Variants in ALPK3 observed in about 807,000 individuals in gnomAD.
ALPK3 encodes alpha kinase 3.
In ALPK3, 102 loss-of-function variants were observed where a neutral mutation model predicts 140.0. The ratio of observed to expected loss-of-function variants is 0.73; its 90% CI spans 0.62 to 0.86. The LOEUF (loss-of-function observed/expected upper bound fraction) is 0.86, where lower values mean the gene tolerates loss of function less well. ALPK3 is among the 40% of genes least tolerant of loss of function. ALPK3 has a pLI of 0.00. For synonymous variants in ALPK3, 938 were observed against 898.5 expected (o/e 1.04, Z -0.79); for missense variants, 2,254 against 2,208.2 (o/e 1.02, Z -0.42).
At chr15:84,850,265 GC>G (rs1963787643) in intron 5 of ALPK3, among the ~76,000 whole-genome samples, 1 of 152,176 alleles carries the variant, frequency 6.6e-6, no homozygotes, top group African/African-American at 2.4e-5. Context: ...CCAGGGCCAT[GC>G]CCCCTTAGAG....
At chr15:84,845,885 A>G (rs540123566) in intron 5 of ALPK3, among the ~76,000 whole-genome samples, 6 of 152,214 alleles carry the variant, frequency 3.9e-5, no homozygotes, top group African/African-American at 1.4e-4. Flanking sequence ...ATAGTGAAAC[A>G]CTTTCTCTAC....
At chr15:84,822,046 G>A (rs1175765500) in intron 1 of ALPK3, among the ~76,000 whole-genome samples, 8 of 152,114 alleles carry the variant, frequency 5.3e-5, no homozygotes, top group Non-Finnish European at 8.8e-5. Context: ...CCCAGTTAAG[G>A]AGTGGAGACT....
chr15:84,846,559 G>A (rs1029703600), intron 5 of ALPK3, among the ~76,000 whole-genome samples: 3 of 152,100 alleles, frequency 2.0e-5, no homozygotes, highest in African/African-American at 4.8e-5. Context: ...AGTGGTGTGT[G>A]TCTGTAGTCT....
chr15:84,866,480 A>G (rs936488225), intron 12 of ALPK3, among the ~76,000 whole-genome samples: 1 of 152,218 alleles, frequency 6.6e-6, no homozygotes, highest in African/African-American at 2.4e-5. Flanking sequence ...TGTCTATCAT[A>G]TGATGGTACT....
intron 5 of ALPK3, among the ~76,000 whole-genome samples, chr15:84,850,879 T>TATATACACACACACAC (rs144798232): frequency 0.018 from 2,564 of 142,422 alleles, 36 homozygotes; most frequent in Middle Eastern, 0.038. Flanking sequence ...GTTCCAGATA[T>TATATACACACACACAC]ACACACACAC....
rs766147713 is a variant in ALPK3, at chr15:84,857,037, A to G, written c.2299A>G (p.Lys767Glu). 6.8e-6 allele frequency: 11 copies of G among 1,614,020 alleles called. No individual in the cohort carries two copies. The highest frequency in any genetic ancestry group is 6.7e-5 in the East Asian group (3 of 44,896). ...VQTPEGSCFP[K>E]KPGCLPRSEE... ...GACCCCAGAAGGGTCTTGTTTCCCA[A>G]AAAAACCTGGTTGCCTGCCCAGATC... Residue 767 changes from lysine (K) to glutamate (E), a missense_variant, in exon 6 of 14, where the codon AAA becomes GAA. Physicochemically the swap from Lys to Glu is moderately conservative, Grantham distance 56. Transcript: ENST00000258888.
intron 5 of ALPK3, among the ~76,000 whole-genome samples, chr15:84,843,088 C>T (rs953092273): frequency 1.1e-4 from 16 of 152,218 alleles, no homozygotes; most frequent in Non-Finnish European, 1.8e-4. Context: ...GCCCCCTCTT[C>T]CTTGCCTCCC....
At chr15:84,849,579 G>GAAATT (rs1963778062) in intron 5 of ALPK3, among the ~76,000 whole-genome samples, 1 of 152,072 alleles carries the variant, frequency 6.6e-6, no homozygotes, top group South Asian at 2.1e-4. Flanking sequence ...TGACCAAAAT[G>GAAATT]AAATTAAACT....
At position 84,859,779 on chromosome 15, in the gene ALPK3, A is replaced by G. The variant is rs1963919834; in HGVS notation, c.3969A>G (p.Ala1323=). ...GAGTAGGGTCTCCACTCTGCAGCGCAGGGGATGAGGGGCCGGCGGCCTTGG... is the reference window on the plus strand; with the variant it reads ...GAGTAGGGTCTCCACTCTGCAGCGCGGGGGATGAGGGGCCGGCGGCCTTGG... The part of the protein sequence containing the change: ...QRPVGEVGRS[A]GDEGPAALAI... Residue 1323 remains alanine (A), a synonymous_variant, in exon 8 of 14, where the codon GCA becomes GCG. Transcript: ENST00000258888. 11 of 1,611,872 alleles carry G rather than the reference A, an allele frequency of 6.8e-6. No individual in the cohort carries two copies. Among genetic ancestry groups the G allele is most frequent in the Non-Finnish European group, 9.3e-6 (11 of 1,179,710 alleles).
At chr15:84,843,286 G>A (rs532063168) in intron 5 of ALPK3, among the ~76,000 whole-genome samples, 3 of 152,336 alleles carry the variant, frequency 2.0e-5, no homozygotes, top group Non-Finnish European at 4.4e-5. Context: ...GGCCAACATG[G>A]TGAAACCCCA....
Position 84,856,961 on chromosome 15 carries a change from C to T in ALPK3, c.2223C>T (p.Leu741=), listed in dbSNP as rs138935453. The change falls in exon 6 of 14, where the codon CTC becomes CTT. Residue 741 remains leucine (L), a synonymous_variant. Coordinates refer to ENST00000258888, the MANE Select transcript of ALPK3 (RefSeq NM_020778.5). ...GCCCACCATCCAGAACCCCCAAACT[C>T]CCACCTACAGCGGGTCCTAGAGCTC... ...SLGPPSRTPK[L]PPTAGPRAPL... The T allele has an allele frequency of 5.4e-4, 877 of 1,614,126 alleles. No individual in the cohort carries two copies. Among genetic ancestry groups the T allele is most frequent in the Non-Finnish European group, 6.8e-4 (807 of 1,180,020 alleles).
At chr15:84,844,159 C>T (rs563100856) in intron 5 of ALPK3, among the ~76,000 whole-genome samples, 1 of 152,170 alleles carries the variant, frequency 6.6e-6, no homozygotes, top group African/African-American at 2.4e-5. Flanking sequence ...ACCTGGGAGG[C>T]GGAGGTTGTG....
rs1340578662 is a variant in ALPK3, at chr15:84,859,823, C to G, written c.4013C>G (p.Pro1338Arg). The G allele has an allele frequency of 7.4e-6, 12 of 1,613,964 alleles. No homozygotes were observed. Among genetic ancestry groups the G allele is most frequent in the Non-Finnish European group, 1.0e-5 (12 of 1,180,038 alleles). Reference protein sequence around the residue: ...PAALAIVQASPVDCGVYRCTI... With the variant: ...PAALAIVQASRVDCGVYRCTI... ...GCCTTGGCCATCGTGCAGGCCTCCC[C>G]CGTAGACTGCGGTGTGTATCGGTGC... The change falls in exon 8 of 14, where the codon CCC (proline) becomes CGC (arginine). Residue 1338 changes from proline to arginine, a missense_variant. By Grantham distance (103) the Pro-to-Arg change is moderately radical. Around this residue, in one of 3 missense-constraint regions of ALPK3, gnomAD observed 2,088 missense variants for 2,022.9 expected, o/e 1.03. Transcript: ENST00000258888.
chr15:84,857,497 C>CT lies in ALPK3; in HGVS notation c.2760dup (p.Gln921SerfsTer13), dbSNP rs1567093760. The CT allele has an allele frequency of 6.2e-7, 1 of 1,602,472 alleles. No individual in the cohort carries two copies. The highest frequency in any genetic ancestry group is 8.5e-7 in the Non-Finnish European group (1 of 1,173,308). ...CTGCACCTGGGGCTGGGGACCCCCA[C>CT]TCAGAGTCACCCACCAGAAACCATG... On this transcript the variant is annotated frameshift_variant, in exon 6 of 14. Coordinates refer to ENST00000258888, the MANE Select transcript of ALPK3 (RefSeq NM_020778.5). LOFTEE classifies it high-confidence loss of function.
chr15:84,867,283 A>G (rs2141575624), intron 12 of ALPK3, 34 bp from the exon 13 acceptor site: 1 of 1,609,818 alleles, frequency 6.2e-7, no homozygotes, highest in Non-Finnish European at 8.5e-7. Flanking sequence ...GCCAGCCCAG[A>G]CTGGCATCAA....
intron 4 of ALPK3, 100 bp from the exon 5 acceptor site, chr15:84,839,602 A>T: frequency 1.5e-6 from 2 of 1,297,942 alleles, no homozygotes; most frequent in Non-Finnish European, 2.1e-6. Flanking sequence ...TGCTGTAGGG[A>T]GGGGGAAGTG....
intron 11 of ALPK3, 65 bp downstream of exon 11, chr15:84,863,705 G>T: frequency 6.7e-7 from 1 of 1,497,660 alleles, no homozygotes; most frequent in Non-Finnish European, 9.1e-7. Context: ...TGCAAAGACA[G>T]TGATTTCACA....
At chr15:84,826,758 T>C (rs1262328965) in intron 2 of ALPK3, among the ~76,000 whole-genome samples, 1 of 152,158 alleles carries the variant, frequency 6.6e-6, no homozygotes, top group Non-Finnish European at 1.5e-5. Flanking sequence ...TGGTTGGTCC[T>C]GGAGCAGCCA....
At position 84,857,253 on chromosome 15, in the gene ALPK3, C is replaced by A. The variant is rs752796329; in HGVS notation, c.2515C>A (p.Pro839Thr). Reference sequence around the variant, plus strand: ...GCAGGAGGACAGCCCGTTCCAGTGCCCCAAGGAGGAGCGGCCAGGGGGAGT... The same window carrying A: ...GCAGGAGGACAGCCCGTTCCAGTGCACCAAGGAGGAGCGGCCAGGGGGAGT... ...AKQEDSPFQC[P>T]KEERPGGVPC... Residue 839 changes from proline to threonine, a missense_variant, in exon 6 of 14, where the codon CCC (proline) becomes ACC (threonine). Transcript: ENST00000258888. 1 of 1,613,946 alleles carries A rather than the reference C, an allele frequency of 6.2e-7. No individual in the cohort carries two copies. Among genetic ancestry groups the A allele is most frequent in the Non-Finnish European group, 8.5e-7 (1 of 1,179,986 alleles).
Sources: allele counts gnomAD v4.1 joint callset (sites outside exome capture counted in the v4.1 genomes callset), GRCh38; gene constraint gnomAD v4.1.1; regional missense constraint gnomAD v4.1.1; transcripts MANE v1.5; gene names NCBI Gene and HGNC (gene_info 2026-07-23, HGNC 2026-07-21).